SMPD3: variants seen among roughly 807,000 people sequenced by gnomAD.
SMPD3 encodes sphingomyelin phosphodiesterase 3.
SMPD3 carries 21 observed loss-of-function variants against 55.7 expected under a neutral mutation model. That is an observed-to-expected ratio of 0.38 (90% confidence interval 0.27 to 0.54). The LOEUF (loss-of-function observed/expected upper bound fraction) is 0.54, where lower values mean the gene tolerates loss of function less well. Ranked by LOEUF, SMPD3 falls within the 20% of genes least tolerant of loss-of-function variation. The probability of loss-of-function intolerance (pLI) is 0.80; values close to 1 mark genes in which losing one functional copy is unlikely to be tolerated. For missense variants in SMPD3, 842 were observed against 899.6 expected (o/e 0.94, Z 0.82); for synonymous variants, 457 against 404.3 (o/e 1.13, Z -1.56).
intron 1 of SMPD3, among the ~76,000 whole-genome samples, chr16:68,399,881 G>C (rs139077920): frequency 6.6e-6 from 1 of 152,346 alleles, no homozygotes; most frequent in East Asian, 1.9e-4. Flanking sequence ...GCCCTGCCTT[G>C]TCTCAGGGCT....
chr16:68,406,692 C>T (rs568539320), intron 1 of SMPD3, among the ~76,000 whole-genome samples: 5 of 152,276 alleles, frequency 3.3e-5, no homozygotes, highest in South Asian at 2.1e-4. Flanking sequence ...CTGAGAGCCT[C>T]GTAAAAGCTC....
intron 1 of SMPD3, among the ~76,000 whole-genome samples, chr16:68,434,534 T>A (rs2090505726): frequency 6.6e-6 from 1 of 152,224 alleles, no homozygotes. Flanking sequence ...TAATTTTAGG[T>A]GAGTCTTCTG....
intron 1 of SMPD3, among the ~76,000 whole-genome samples, chr16:68,438,653 TC>T (rs1186800662): frequency 1.3e-5 from 2 of 152,182 alleles, no homozygotes; most frequent in African/African-American, 4.8e-5. Context: ...CCATTGTCAT[TC>T]CTACCCCTGT....
chr16:68,426,003 A>C (rs1252014761), intron 1 of SMPD3, among the ~76,000 whole-genome samples: 1 of 152,128 alleles, frequency 6.6e-6, no homozygotes, highest in African/African-American at 2.4e-5. Context: ...AGAAGCAGGG[A>C]TCCCTAGTGC....
At chr16:68,442,106 C>T (rs937691099) in intron 1 of SMPD3, among the ~76,000 whole-genome samples, 1 of 152,104 alleles carries the variant, frequency 6.6e-6, no homozygotes, top group Non-Finnish European at 1.5e-5. Flanking sequence ...GGTATTGGAT[C>T]AAAGAAGCCT....
Position 68,447,745 on chromosome 16 carries a change from T to A in SMPD3, c.-269+608A>T, listed in dbSNP as rs1297424562. On this transcript the variant is annotated intron_variant, in intron 1 of 8. Coordinates refer to ENST00000219334, the MANE Select transcript of SMPD3 (RefSeq NM_018667.4). The surrounding 1 kb of genome is among the most constrained non-coding windows in gnomAD (Gnocchi z 5.1). Reference sequence around the variant, plus strand: ...AAGTGGGAGGGGTAAGAGTCCTCTGTCTCTTCCACATCCTCGATCCTCCTC... The same window carrying A: ...AAGTGGGAGGGGTAAGAGTCCTCTGACTCTTCCACATCCTCGATCCTCCTC... Among the ~76,000 whole-genome samples, 6 of 150,994 alleles carry A rather than the reference T, an allele frequency of 4.0e-5. No homozygotes were observed. Among genetic ancestry groups the A allele is most frequent in the Admixed American group, 4.0e-4 (6 of 15,178 alleles).
At chr16:68,435,597 G>A (rs771603781) in intron 1 of SMPD3, among the ~76,000 whole-genome samples, 2 of 152,180 alleles carry the variant, frequency 1.3e-5, no homozygotes, top group Non-Finnish European at 2.9e-5. Context: ...GCACGGTGGG[G>A]GCTGGCTGGG....
chr16:68,400,474 C>T (rs1382658649), intron 1 of SMPD3, among the ~76,000 whole-genome samples: 1 of 152,210 alleles, frequency 6.6e-6, no homozygotes, highest in Non-Finnish European at 1.5e-5. Flanking sequence ...TATGGTTGTT[C>T]TAAGTCACAT....
chr16:68,428,903 C>T (rs1415590140), intron 1 of SMPD3, among the ~76,000 whole-genome samples: 1 of 152,154 alleles, frequency 6.6e-6, no homozygotes, highest in African/African-American at 2.4e-5. Context: ...GAACTATGGT[C>T]ACATAAAAAA....
At chr16:68,401,230 G>A (rs919820822) in intron 1 of SMPD3, among the ~76,000 whole-genome samples, 5 of 152,196 alleles carry the variant, frequency 3.3e-5, no homozygotes, top group African/African-American at 1.2e-4. Flanking sequence ...GTCCACCTGA[G>A]GGAAACACAG....
At chr16:68,389,612 G>C (rs2090093723) in intron 1 of SMPD3, among the ~76,000 whole-genome samples, 2 of 152,240 alleles carry the variant, frequency 1.3e-5, no homozygotes, top group Admixed American at 6.5e-5. Context: ...ACTGGGGCCA[G>C]GTACCTTCGA....
intron 1 of SMPD3, among the ~76,000 whole-genome samples, chr16:68,411,195 C>A (rs1248871006): frequency 2.0e-5 from 3 of 152,230 alleles, no homozygotes; most frequent in Non-Finnish European, 4.4e-5. Context: ...ACAGTGCCCT[C>A]CCCCAACCTC....
intron 1 of SMPD3, among the ~76,000 whole-genome samples, chr16:68,387,376 C>T (rs2090066844): frequency 6.6e-6 from 1 of 152,110 alleles, no homozygotes; most frequent in African/African-American, 2.4e-5. Flanking sequence ...CACTGGCTCC[C>T]CTTGCTGACT....
At chr16:68,375,372 T>C in intron 2 of SMPD3, among the ~76,000 whole-genome samples, 1 of 146,714 alleles carries the variant, frequency 6.8e-6, no homozygotes, top group African/African-American at 2.6e-5. Flanking sequence ...TGAGGACACT[T>C]TGGCAGAAGG....
chr16:68,370,666 C>A (rs1380044498), intron 3 of SMPD3, among the ~76,000 whole-genome samples, 193 bp downstream of exon 3: 1 of 152,180 alleles, frequency 6.6e-6, no homozygotes, highest in Admixed American at 6.5e-5. Flanking sequence ...GGTGCTCATC[C>A]CTGCATTGGT....
intron 1 of SMPD3, among the ~76,000 whole-genome samples, chr16:68,406,481 T>C (rs1828018929): frequency 6.6e-6 from 1 of 152,128 alleles, no homozygotes; most frequent in African/African-American, 2.4e-5. Flanking sequence ...TGAGCAGAAG[T>C]GTCCAGCCCT....
At chr16:68,370,662 C>T (rs2151982024) in intron 3 of SMPD3, among the ~76,000 whole-genome samples, 197 bp downstream of exon 3, 1 of 152,306 alleles carries the variant, frequency 6.6e-6, no homozygotes, top group Middle Eastern at 3.4e-3. Flanking sequence ...CCTCGGTGCT[C>T]ATCCCTGCAT....
At chr16:68,437,154 C>G (rs2090528761) in intron 1 of SMPD3, among the ~76,000 whole-genome samples, 1 of 152,244 alleles carries the variant, frequency 6.6e-6, no homozygotes, top group Non-Finnish European at 1.5e-5. Flanking sequence ...TCACTTCCAT[C>G]TCTCCAGTGT....
At chr16:68,446,365 C>G (rs890920476) in intron 1 of SMPD3, among the ~76,000 whole-genome samples, 4 of 152,134 alleles carry the variant, frequency 2.6e-5, no homozygotes, top group Non-Finnish European at 1.5e-5. Context: ...TACCTTCACC[C>G]TGAGGGCATC....
Sources: allele counts gnomAD v4.1 joint callset (sites outside exome capture counted in the v4.1 genomes callset), GRCh38; gene constraint gnomAD v4.1.1; non-coding constraint Gnocchi (gnomAD v3.1); transcripts MANE v1.5; gene names NCBI Gene and HGNC (gene_info 2026-07-23, HGNC 2026-07-21).